PEX6: variants seen among roughly 807,000 people sequenced by gnomAD.
PEX6 encodes the protein peroxisomal biogenesis factor 6.
In PEX6, 55 loss-of-function variants were observed where a neutral mutation model predicts 85.6. The ratio of observed to expected loss-of-function variants is 0.64; its 90% CI spans 0.52 to 0.80. The LOEUF (loss-of-function observed/expected upper bound fraction) is 0.80. Ranked by LOEUF, PEX6 falls within the 30% of genes least tolerant of loss-of-function variation. The probability of loss-of-function intolerance (pLI) is 0.00; values close to 1 mark genes in which losing one functional copy is unlikely to be tolerated. For missense variants in PEX6, 1,099 were observed against 1,260.3 expected, an observed-to-expected ratio of 0.87 and a Z score of 1.94; for synonymous variants, 519 against 549.1, an observed-to-expected ratio of 0.95 and a Z score of 0.77.
intron 7 of PEX6, among the ~76,000 whole-genome samples, chr6:42,967,765 C>T (rs777236897): frequency 2.6e-4 from 39 of 151,932 alleles, no homozygotes; most frequent in African/African-American, 4.4e-4. Flanking sequence ...TTTCTTTAAC[C>T]GAGTGTTCCC....
Position 42,978,916 on chromosome 6 carries a change from C to G in PEX6, c.235G>C (p.Ala79Pro), listed in dbSNP as rs61752141. 42,040 of 1,486,432 alleles carry G rather than the reference C, an allele frequency of 0.028. 695 individuals are homozygous for G. The highest frequency in any genetic ancestry group is 0.031 in the Non-Finnish European group (35,261 of 1,126,686). 92.1% of individuals were successfully genotyped at this position (1,486,432 alleles called of 1,614,324 possible). ...CCCAGTGCCAGGAGCCGCAGCAGCG[C>G]GCGGCTAACCAGTAGCTGCGGCGGC... Reference protein sequence around the residue: ...PGPPQLLVSRALLRLLALGSG... With the variant: ...PGPPQLLVSRPLLRLLALGSG... The change falls in exon 1 of 17, where the codon GCG becomes CCG. Residue 79 changes from alanine to proline, a missense_variant. This residue lies in a region of PEX6 where 579 missense variants were observed against 611.6 expected (regional missense o/e 0.95). Coordinates refer to ENST00000304611, the MANE Select transcript of PEX6 (RefSeq NM_000287.4).
At chr6:42,973,881 C>T in intron 3 of PEX6, 122 bp downstream of exon 3, 3 of 743,994 alleles carry the variant, frequency 4.0e-6, no homozygotes, top group Non-Finnish European at 7.1e-6. Flanking sequence ...CACGCACACA[C>T]AAAATACATG....
intron 1 of PEX6, among the ~76,000 whole-genome samples, chr6:42,975,667 C>CA (rs1310208196): frequency 6.6e-6 from 1 of 150,908 alleles, no homozygotes; most frequent in Non-Finnish European, 1.5e-5. Context: ...AAAAACAAAA[C>CA]AAAAACAAAG....
In PEX6 at chr6:42,964,853, A is replaced by G; in HGVS notation, c.2743T>C (p.Tyr915His). 1 of 1,614,142 alleles carries G rather than the reference A, an allele frequency of 6.2e-7. No homozygotes were observed. Residue 915 changes from tyrosine to histidine, a missense_variant, in exon 16 of 17, where the codon TAC (tyrosine) becomes CAC (histidine). Around this residue, in one of 3 missense-constraint regions of PEX6, gnomAD observed 514 missense variants for 627.0 expected, o/e 0.82. Transcript: ENST00000304611. This position sits in a 1 kb window ranked among gnomAD's most constrained non-coding sequence, Gnocchi z 4.6. The part of the protein sequence containing the change: ...CPPQLTGADL[Y>H]SLCSDAMTAA... ...GTCATAGCATCAGAGCAGAGAGAGT[A>G]GAGGTCCGCGCCCGTCAGCTGGGGA...
rs767146715 is a variant in PEX6 at position 42,974,837 on chromosome 6, G to A, written c.1046+38C>T. 8 of 1,570,230 alleles carry A rather than the reference G, an allele frequency of 5.1e-6. No homozygotes were observed. In the African/African-American group the frequency reaches 9.5e-5, roughly 19 times the overall value. ...ATGGGATAGGAGGAATGTAATGAGGGTGAGAAGCTATCCTCCTTAAAAGGT... is the reference window on the plus strand; with the variant it reads ...ATGGGATAGGAGGAATGTAATGAGGATGAGAAGCTATCCTCCTTAAAAGGT... On this transcript the variant is annotated intron_variant, in intron 2 of 16. Coordinates refer to ENST00000304611, the MANE Select transcript of PEX6 (RefSeq NM_000287.4).
chr6:42,964,699 C>T lies in PEX6; in HGVS notation c.2806+91G>A. On this transcript the variant is annotated intron_variant, in intron 16 of 16. Coordinates refer to ENST00000304611, the MANE Select transcript of PEX6 (RefSeq NM_000287.4). This position sits in a 1 kb window ranked among gnomAD's most constrained non-coding sequence, Gnocchi z 4.6. ...CAAACTCCTGGGCTCAAGCGATCCT[C>T]CCACCTCAGCCTCTCAAGTAGCTGG... 2 of 1,539,398 alleles carry T rather than the reference C, an allele frequency of 1.3e-6. No homozygotes were observed. Among genetic ancestry groups the T allele is most frequent in the Non-Finnish European group, 1.8e-6 (2 of 1,114,152 alleles).
chr6:42,975,206 G>GTA, intron 1 of PEX6, among the ~76,000 whole-genome samples, 168 bp from the exon 2 acceptor site: 1 of 152,220 alleles, frequency 6.6e-6, no homozygotes, highest in Non-Finnish European at 1.5e-5. Context: ...CCTCTAATGG[G>GTA]TACCAGGAAG....
rs1387817133 is a variant in PEX6, at chr6:42,965,014, A to T, written c.2666+61T>A. The T allele has an allele frequency of 1.9e-6, 3 of 1,611,864 alleles. No homozygotes were observed. The African/African-American group carries it at 4.0e-5, about 22-fold the overall frequency. ...CTGACCAGCTCATCCTGCATGTTGC[A>T]TGCATCCCCTAAGCATCCCAAGGCC... is the stretch of plus-strand genomic sequence containing the variant. On this transcript the variant is annotated intron_variant, in intron 15 of 16. Transcript: ENST00000304611. The surrounding 1 kb of genome is among the most constrained non-coding windows in gnomAD (Gnocchi z 5.0).
Position 42,969,970 on chromosome 6 carries a change from A to T in PEX6, c.1148T>A (p.Phe383Tyr), listed in dbSNP as rs774701378. 6.2e-7 allele frequency: 1 copy of T among 1,614,030 alleles called. No homozygotes were observed. Among genetic ancestry groups the T allele is most frequent in the African/African-American group, 1.3e-5 (1 of 74,914 alleles). Residue 383 changes from phenylalanine (F) to tyrosine (Y), a missense_variant, in exon 4 of 17, where the codon TTT becomes TAT. Around this residue, in one of 3 missense-constraint regions of PEX6, gnomAD observed 579 missense variants for 611.6 expected, o/e 0.95. Coordinates refer to ENST00000304611, the MANE Select transcript of PEX6 (RefSeq NM_000287.4). The stretch of plus-strand genomic sequence containing the variant: ...TTCCCCAACTGTTTTCTTCACTTTA[A>T]AAAACATTTCCCGCCACCTGCAGGA... ...EKLPRWREMF[F>Y]KVKKTVGEAP...
rs760233519 is a variant in PEX6, at chr6:42,978,544, C to T, written c.607G>A (p.Asp203Asn). 6.2e-7 allele frequency: 1 copy of T among 1,613,644 alleles called. No individual in the cohort carries two copies. Among genetic ancestry groups the T allele is most frequent in the South Asian group, 1.1e-5 (1 of 91,082 alleles). The change falls in exon 1 of 17, where the codon GAT becomes AAT. Residue 203 changes from aspartate to asparagine, a missense_variant. Around this residue, in one of 3 missense-constraint regions of PEX6, gnomAD observed 579 missense variants for 611.6 expected, o/e 0.95. Coordinates refer to ENST00000304611, the MANE Select transcript of PEX6 (RefSeq NM_000287.4). Reference sequence around the variant, plus strand: ...CAGCTCCGGCTCACCCCTAGTGAATCTCCAGTCCCTCCCAGAACTCCCTGG... The same window carrying T: ...CAGCTCCGGCTCACCCCTAGTGAATTTCCAGTCCCTCCCAGAACTCCCTGG... ...RLQGVLGGTG[D>N]SLGVSRSCLR...
At chr6:42,968,805 G>T in intron 6 of PEX6, 69 bp downstream of exon 6, 1 of 1,148,218 alleles carries the variant, frequency 8.7e-7, no homozygotes. Context: ...GGGAGAGGAA[G>T]CAGCAGAGAG....
At chr6:42,974,222 G>A (rs1581772027) in intron 2 of PEX6, 136 bp from the exon 3 acceptor site, 1 of 709,780 alleles carries the variant, frequency 1.4e-6, no homozygotes, top group African/African-American at 1.7e-5. Context: ...AGTTCTCCAA[G>A]GAACAAGTCA....
In PEX6 at chr6:42,968,755, G is replaced by T. The variant is rs577199255; in HGVS notation, c.1479+119C>A. ...TCATGGGAATATGCCTGACCCACTG[G>T]GCTGAAGTGCTAGGGCCTGTGAGTA... On this transcript the variant is annotated intron_variant, in intron 6 of 16. Transcript: ENST00000304611. The T allele has an allele frequency of 3.5e-6, 3 of 854,814 alleles. No homozygotes were observed. The South Asian group carries it at 4.0e-5, about 11-fold the overall frequency. 53.0% of individuals were successfully genotyped at this position (854,814 alleles called of 1,614,324 possible).
chr6:42,972,239 T>G (rs1284437410), intron 3 of PEX6, among the ~76,000 whole-genome samples: 1 of 152,208 alleles, frequency 6.6e-6, no homozygotes, highest in Non-Finnish European at 1.5e-5. Context: ...TCTAGTAAAC[T>G]GCTGCAGGAA....
In PEX6 at chr6:42,969,955, G is replaced by C; in HGVS notation, c.1163C>G (p.Thr388Arg). The change falls in exon 4 of 17, where the codon ACA becomes AGA. Residue 388 changes from threonine (T) to arginine (R), a missense_variant. By Grantham distance (71) the Thr-to-Arg change is moderately conservative (BLOSUM62 -1). Around this residue, in one of 3 missense-constraint regions of PEX6, gnomAD observed 579 missense variants for 611.6 expected, o/e 0.95. Coordinates refer to ENST00000304611, the MANE Select transcript of PEX6 (RefSeq NM_000287.4). ...WREMFFKVKK[T>R]VGEAPDGPAS... ...TGGTCCATCTGGAGCTTCCCCAACT[G>C]TTTTCTTCACTTTAAAAAACATTTC... is the stretch of plus-strand genomic sequence containing the variant. 6.2e-7 allele frequency: 1 copy of C among 1,614,158 alleles called. No individual in the cohort carries two copies. The highest frequency in any genetic ancestry group is 8.5e-7 in the Non-Finnish European group (1 of 1,180,022).
At position 42,963,939 on chromosome 6, in the gene PEX6, C is replaced by G; in HGVS notation, c.*396G>C. 2 of 607,550 alleles carry G rather than the reference C, an allele frequency of 3.3e-6. No individual in the cohort carries two copies. 37.6% of individuals were successfully genotyped at this position (607,550 alleles called of 1,614,324 possible). On this transcript the variant is annotated 3_prime_UTR_variant, in exon 17 of 17. Coordinates refer to ENST00000304611, the MANE Select transcript of PEX6 (RefSeq NM_000287.4). ...CTCCCATGCTGCCCACCCCCCCACC[C>G]TCTCCCAGGGCTTACTCCTCCCACA...
chr6:42,974,583 A>G (rs1314428874), intron 2 of PEX6, among the ~76,000 whole-genome samples: 2 of 144,250 alleles, frequency 1.4e-5, no homozygotes, highest in Admixed American at 7.3e-5. Context: ...TCAGCCTCCC[A>G]AGTAGCTGGG....
rs887618716 is a variant in PEX6, at chr6:42,974,789, T to C, written c.1046+86A>G. ...AATGTGGCTTCTTTTAACCAGGGCCTCTGGGGTACTTGGTTCTAAGGCATG... is the reference window on the plus strand; with the variant it reads ...AATGTGGCTTCTTTTAACCAGGGCCCCTGGGGTACTTGGTTCTAAGGCATG... On this transcript the variant is annotated intron_variant, in intron 2 of 16. Coordinates refer to ENST00000304611, the MANE Select transcript of PEX6 (RefSeq NM_000287.4). 55 of 1,273,544 alleles carry C rather than the reference T, an allele frequency of 4.3e-5. No individual in the cohort carries two copies. In the African/African-American group the frequency reaches 5.9e-4, roughly 14 times the overall value. The allele number at this position is 1,273,544 out of a possible 1,614,324, so 78.9% of individuals were successfully genotyped here. A position where few individuals can be genotyped will look rare whatever the true frequency, so the allele number is the denominator to read the frequency against.
Position 42,966,373 on chromosome 6 carries a change from G to C in PEX6, c.2169C>G (p.Leu723=). Residue 723 remains leucine (L), a synonymous_variant, in exon 11 of 17, where the codon CTC becomes CTG. Transcript: ENST00000304611. The stretch of plus-strand genomic sequence containing the variant: ...TCAGTAGCTCAGGGTGCTCCAGGGG[G>C]AGCTGAATGGTCTCCAGGATCTCCT... The part of the protein sequence containing the change: ...VKKEILETIQ[L]PLEHPELLSL... 1 of 1,614,068 alleles carries C rather than the reference G, an allele frequency of 6.2e-7. No homozygotes were observed. The highest frequency in any genetic ancestry group is 8.5e-7 in the Non-Finnish European group (1 of 1,179,996).
Sources: allele counts gnomAD v4.1 joint callset (sites outside exome capture counted in the v4.1 genomes callset), GRCh38; gene constraint gnomAD v4.1.1; regional missense constraint gnomAD v4.1.1; non-coding constraint Gnocchi (gnomAD v3.1); transcripts MANE v1.5; gene names NCBI Gene and HGNC (gene_info 2026-07-23, HGNC 2026-07-21).